ZNF804B: variants seen among roughly 807,000 people sequenced by gnomAD.
ZNF804B encodes the protein zinc finger protein 804B.
ZNF804B carries 80 observed loss-of-function variants against 101.4 expected under a neutral mutation model. The ratio of observed to expected loss-of-function variants is 0.79; its 90% CI spans 0.66 to 0.95. ZNF804B has a LOEUF of 0.95. Ranked by LOEUF, ZNF804B falls within the 40% of genes least tolerant of loss-of-function variation. The pLI is 0.00. For missense variants in ZNF804B, 1,673 were observed against 1,561.9 expected (o/e 1.07, Z -1.20); for synonymous variants, 622 against 558.8 (o/e 1.11, Z -1.59).
At chr7:89,005,974 A>G (rs1320318726) in intron 1 of ZNF804B, among the ~76,000 whole-genome samples, 2 of 152,124 alleles carry the variant, frequency 1.3e-5, no homozygotes, top group African/African-American at 4.8e-5. Context: ...GCTGGATGGA[A>G]AAGGTGTGGA....
intron 1 of ZNF804B, among the ~76,000 whole-genome samples, chr7:88,986,625 G>A (rs1793763310): frequency 6.6e-6 from 1 of 152,040 alleles, no homozygotes; most frequent in Admixed American, 6.6e-5. Context: ...CTGACCTCGT[G>A]CAATGCTGTC....
intron 1 of ZNF804B, among the ~76,000 whole-genome samples, chr7:88,821,974 G>T (rs889405124): frequency 2.0e-5 from 3 of 152,150 alleles, no homozygotes; most frequent in African/African-American, 7.2e-5. Context: ...TTATTGTAAT[G>T]AAATTATTAA....
intron 2 of ZNF804B, among the ~76,000 whole-genome samples, chr7:89,286,228 A>G (rs550592985): frequency 5.9e-5 from 9 of 152,264 alleles, no homozygotes; most frequent in African/African-American, 2.2e-4. Flanking sequence ...TAGGACTTTA[A>G]GGCTCATTAC....
intron 2 of ZNF804B, among the ~76,000 whole-genome samples, chr7:89,293,191 A>AAAG (rs1450775443): frequency 6.6e-6 from 1 of 152,036 alleles, no homozygotes; most frequent in East Asian, 1.9e-4. Context: ...GTATTTAGCC[A>AAAG]ACATGTTTAA....
chr7:88,917,037 G>A (rs1792642717), intron 1 of ZNF804B, among the ~76,000 whole-genome samples: 1 of 152,118 alleles, frequency 6.6e-6, no homozygotes. Context: ...GGCCGAAGCA[G>A]GTGGATCACC....
chr7:88,779,541 G>A (rs1246392010), intron 1 of ZNF804B, among the ~76,000 whole-genome samples: 1 of 152,122 alleles, frequency 6.6e-6, no homozygotes, highest in East Asian at 1.9e-4. Flanking sequence ...CAGACATACG[G>A]TGCTAAAGTC....
intron 1 of ZNF804B, among the ~76,000 whole-genome samples, chr7:88,809,339 CTATCTATCTATCT>C: frequency 6.8e-6 from 1 of 147,708 alleles, no homozygotes; most frequent in South Asian, 2.1e-4. Context: ...ATCTATCTAT[CTATCTATCTATCT>C]ATCTACCTAT....
intron 2 of ZNF804B, among the ~76,000 whole-genome samples, chr7:89,316,931 A>G (rs150203408): frequency 6.6e-6 from 1 of 152,200 alleles, no homozygotes; most frequent in African/African-American, 2.4e-5. Flanking sequence ...TGGATTCTGC[A>G]TGAGTTTAAA....
At chr7:89,136,945 C>A (rs1790646526) in intron 1 of ZNF804B, among the ~76,000 whole-genome samples, 1 of 151,976 alleles carries the variant, frequency 6.6e-6, no homozygotes, top group Admixed American at 6.6e-5. Flanking sequence ...CAGAGCTTCC[C>A]TGCAAAAGCT....
intron 1 of ZNF804B, among the ~76,000 whole-genome samples, chr7:88,926,568 A>C (rs930889201): frequency 6.6e-6 from 1 of 152,120 alleles, no homozygotes; most frequent in Non-Finnish European, 1.5e-5. Flanking sequence ...AGATCACGCC[A>C]TAGCACTCCA....
At chr7:89,064,049 T>G (rs1233340558) in intron 1 of ZNF804B, among the ~76,000 whole-genome samples, 1 of 152,166 alleles carries the variant, frequency 6.6e-6, no homozygotes, top group Non-Finnish European at 1.5e-5. Context: ...AGACAGAGTT[T>G]AGCGTTCAGA....
chr7:89,194,145 C>G (rs1192642547), intron 1 of ZNF804B, among the ~76,000 whole-genome samples: 1 of 151,736 alleles, frequency 6.6e-6, no homozygotes, highest in Non-Finnish European at 1.5e-5. Flanking sequence ...CCTTTGCCCA[C>G]TTTTTGATGG....
At chr7:89,183,189 A>T (rs1584037816) in intron 1 of ZNF804B, among the ~76,000 whole-genome samples, 1 of 152,120 alleles carries the variant, frequency 6.6e-6, no homozygotes, top group Admixed American at 6.6e-5. Flanking sequence ...GTGGAGAAAA[A>T]AAATGGGTAT....
intron 1 of ZNF804B, among the ~76,000 whole-genome samples, chr7:89,016,492 T>C (rs1788561362): frequency 6.6e-6 from 1 of 151,716 alleles, no homozygotes; most frequent in Non-Finnish European, 1.5e-5. Flanking sequence ...AAGTCTTTAA[T>C]CCATCTTGAA....
chr7:89,233,093 T>C (rs1789224310), intron 2 of ZNF804B, among the ~76,000 whole-genome samples: 1 of 151,870 alleles, frequency 6.6e-6, no homozygotes, highest in Non-Finnish European at 1.5e-5. Context: ...GGCTAATTTT[T>C]TTTTTTGTAT....
intron 2 of ZNF804B, among the ~76,000 whole-genome samples, chr7:89,233,885 A>G (rs976133328): frequency 6.6e-6 from 1 of 152,154 alleles, no homozygotes; most frequent in Non-Finnish European, 1.5e-5. Flanking sequence ...CGGCCTCCCA[A>G]AGTGCTGGGA....
At chr7:89,014,543 C>T (rs1456349336) in intron 1 of ZNF804B, among the ~76,000 whole-genome samples, 1 of 152,154 alleles carries the variant, frequency 6.6e-6, no homozygotes, top group East Asian at 1.9e-4. Flanking sequence ...GTTTTGATCT[C>T]CTGACCTTGT....
chr7:88,939,376 T>C (rs184052519), intron 1 of ZNF804B, among the ~76,000 whole-genome samples: 5 of 152,106 alleles, frequency 3.3e-5, no homozygotes. Context: ...ATTTTTAATA[T>C]TTTTAATCTG....
intron 1 of ZNF804B, among the ~76,000 whole-genome samples, chr7:88,775,680 T>C (rs953795216): frequency 6.6e-6 from 1 of 152,172 alleles, no homozygotes; most frequent in African/African-American, 2.4e-5. Context: ...TGTGTATAGC[T>C]CTATAAAGTT....
Sources: allele counts gnomAD v4.1 joint callset (sites outside exome capture counted in the v4.1 genomes callset), GRCh38; gene constraint gnomAD v4.1.1; transcripts MANE v1.5; gene names NCBI Gene and HGNC (gene_info 2026-07-23, HGNC 2026-07-21).